Variants in STARD7 observed in about 807,000 individuals in gnomAD.
STARD7 encodes the protein StAR related lipid transfer domain containing 7, also known as stAR-related lipid transfer protein 7, mitochondrial.
Under a neutral mutation model 45.3 loss-of-function variants are expected in STARD7, and 30 were observed. The ratio of observed to expected loss-of-function variants is 0.66; its 90% CI spans 0.50 to 0.90. STARD7 has a LOEUF of 0.90. Among genes scored for constraint, STARD7 ranks in the 40% least tolerant of loss-of-function variants. The probability of loss-of-function intolerance (pLI) is 0.00; values close to 1 mark genes in which losing one functional copy is unlikely to be tolerated. For missense variants in STARD7, 495 were observed against 491.3 expected (o/e 1.01, Z -0.07); for synonymous variants, 199 against 183.0 (o/e 1.09, Z -0.70).
intron 1 of STARD7, 74 bp downstream of exon 1, chr2:96,208,071 G>A: frequency 7.2e-7 from 1 of 1,388,612 alleles, no homozygotes; most frequent in Non-Finnish European, 9.6e-7. Context: ...AAGGGCCAAC[G>A]ACCACAGGGC....
At position 96,208,423 on chromosome 2, in the gene STARD7, C is replaced by T; in HGVS notation, c.12G>A (p.Arg4=). 7.2e-7 allele frequency: 1 copy of T among 1,391,600 alleles called. No homozygotes were observed. The highest frequency in any genetic ancestry group is 9.2e-7 in the Non-Finnish European group (1 of 1,084,258). 86.2% of individuals were successfully genotyped at this position (1,391,600 alleles called of 1,614,324 possible). A position where few individuals can be genotyped will look rare whatever the true frequency, so the allele number is the denominator to read the frequency against. The change falls in exon 1 of 8, where the codon CGG becomes CGA. Residue 4 remains arginine (R), a synonymous_variant. Transcript: ENST00000337288. MLP[R]RLLAAWLAGT... ...CCGCCAGCCAGGCGGCCAGCAGCCT[C>T]CGCGGGAGCATGCCGCCTCCCGCAG...
chr2:96,198,214 T>C (rs974239346), intron 1 of STARD7, among the ~76,000 whole-genome samples: 5 of 151,824 alleles, frequency 3.3e-5, no homozygotes, highest in East Asian at 1.9e-4. Flanking sequence ...TCCCAACTAC[T>C]TGGGAGGCTG....
chr2:96,199,198 C>T (rs957985456), intron 1 of STARD7, among the ~76,000 whole-genome samples: 3 of 152,096 alleles, frequency 2.0e-5, no homozygotes. Flanking sequence ...AAGTGGCTTG[C>T]CAATTTCTGC....
intron 1 of STARD7, among the ~76,000 whole-genome samples, chr2:96,198,095 G>T (rs1243897016): frequency 6.6e-6 from 1 of 152,078 alleles, no homozygotes; most frequent in Admixed American, 6.6e-5. Context: ...GGCCAAGGTG[G>T]GTGGATCACT....
chr2:96,193,328 AT>A lies in STARD7; in HGVS notation c.573del (p.Lys191AsnfsTer6). Reference protein sequence around the residue: ...NVQLDTEYRKKWDALVIKLEV... With the variant: ...NVQLDTEYRKXWDALVIKLEV... ...TCCAGCTTGATTACCAGGGCATCCC[AT>A]TTTTTTCTATACTCTGTGTCCAGCT... On this transcript the variant is annotated frameshift_variant, in exon 4 of 8. Transcript: ENST00000337288. LOFTEE classifies it high-confidence loss of function. The A allele has an allele frequency of 6.2e-7, 1 of 1,612,952 alleles. No homozygotes were observed. The highest frequency in any genetic ancestry group is 1.3e-5 in the African/African-American group (1 of 75,010).
At chr2:96,200,342 G>A (rs922875259) in intron 1 of STARD7, among the ~76,000 whole-genome samples, 16 of 152,160 alleles carry the variant, frequency 1.1e-4, no homozygotes, top group Admixed American at 9.2e-4. Context: ...GCCTCCCAAA[G>A]TGCTGGGATT....
chr2:96,195,078 G>T, intron 2 of STARD7, 71 bp from the exon 3 acceptor site: 1 of 1,370,978 alleles, frequency 7.3e-7, no homozygotes, highest in South Asian at 1.3e-5. Context: ...TTCACCTAGC[G>T]GCGTTTCAGA....
At chr2:96,203,108 C>T (rs779989541) in intron 1 of STARD7, among the ~76,000 whole-genome samples, 42 of 152,194 alleles carry the variant, frequency 2.8e-4, no homozygotes, top group Non-Finnish European at 1.2e-4. Context: ...CCTGAAGGGT[C>T]TGAACTTCTA....
intron 6 of STARD7, among the ~76,000 whole-genome samples, chr2:96,188,846 A>T (rs1004874246): frequency 6.6e-6 from 1 of 152,034 alleles, no homozygotes; most frequent in African/African-American, 2.4e-5. Context: ...GTGAGCCAAG[A>T]TCACGCCATC....
chr2:96,204,533 C>T (rs1335337160), intron 1 of STARD7, among the ~76,000 whole-genome samples: 7 of 151,866 alleles, frequency 4.6e-5, no homozygotes, highest in Non-Finnish European at 1.0e-4. Flanking sequence ...CCAGCCTGGG[C>T]GACAGGGTGA....
chr2:96,198,039 C>T lies in STARD7; in HGVS notation c.291-2490G>A, dbSNP rs930047593. Among the ~76,000 whole-genome samples, 4 of 152,092 alleles carry T rather than the reference C, an allele frequency of 2.6e-5. No individual in the cohort carries two copies. The South Asian group carries it at 8.3e-4, about 32-fold the overall frequency. On this transcript the variant is annotated intron_variant, in intron 1 of 7. Coordinates refer to ENST00000337288, the MANE Select transcript of STARD7 (RefSeq NM_020151.4). ...TTATATTACTGCTATTATAATACTG[C>T]TGGCCGGACGTAGTGACTCATGCCT...
intron 1 of STARD7, among the ~76,000 whole-genome samples, chr2:96,200,723 C>G (rs1012787160): frequency 6.6e-6 from 1 of 152,074 alleles, no homozygotes; most frequent in Admixed American, 6.6e-5. Context: ...ACTATGTCGC[C>G]GAAACTGGCC....
intron 1 of STARD7, among the ~76,000 whole-genome samples, chr2:96,205,653 G>C (rs1054486010): frequency 1.3e-5 from 2 of 152,194 alleles, no homozygotes; most frequent in African/African-American, 4.8e-5. Context: ...AACCTCAGCA[G>C]TGCCTACTTT....
Position 96,193,157 on chromosome 2 carries a change from G to A in STARD7, c.664C>T (p.Pro222Ser). The A allele has an allele frequency of 6.2e-7, 1 of 1,611,116 alleles. No homozygotes were observed. ...TAAACATAATCCCGTGAGTACATTG[G>A]ATACTAAAGAAATGGAGGAGCAGGA... ...VLHWVTHFPY[P>S]MYSRDYVYVR... The change falls in exon 5 of 8, where the codon CCA becomes TCA. Residue 222 changes from proline (P) to serine (S), a missense_variant. Coordinates refer to ENST00000337288, the MANE Select transcript of STARD7 (RefSeq NM_020151.4).
Position 96,184,875 on chromosome 2 carries a change from C to T in STARD7, c.*1855G>A, listed in dbSNP as rs1194267524. On this transcript the variant is annotated 3_prime_UTR_variant, in exon 8 of 8. Transcript: ENST00000337288. ...GACAAACACTTTTTTTTGTACCAAT[C>T]TTTATGTATTTATTCACACATTTGA... The T allele has an allele frequency of 5.9e-5, 9 of 152,712 alleles. No homozygotes were observed. The East Asian group carries it at 1.5e-3, about 26-fold the overall frequency. 9.5% of individuals were successfully genotyped at this position (152,712 alleles called of 1,614,324 possible).
chr2:96,192,512 A>G (rs1400262686), intron 5 of STARD7, 44 bp from the exon 6 acceptor site: 1 of 1,456,756 alleles, frequency 6.9e-7, no homozygotes, highest in African/African-American at 1.4e-5. Flanking sequence ...TAATGTCTAT[A>G]TATAAAACAA....
At chr2:96,208,085 C>A (rs1178910456) in intron 1 of STARD7, 60 bp downstream of exon 1, 10 of 1,458,318 alleles carry the variant, frequency 6.9e-6, no homozygotes, top group Non-Finnish European at 6.4e-6. Flanking sequence ...ACAGGGCAGG[C>A]CCCAGGGTTC....
In STARD7 at chr2:96,196,518, G is replaced by A. The variant is rs1486189999; in HGVS notation, c.291-969C>T. 2.6e-5 allele frequency among the ~76,000 whole-genome samples: 4 copies of A among 152,116 alleles called. 1 individual carries two copies. The highest frequency in any genetic ancestry group is 5.9e-5 in the Non-Finnish European group (4 of 68,022). Reference sequence around the variant, plus strand: ...ACTCTGTCACCCAGGCTAGAATAGAGTGCCATGATCTGGGCTCACTGCAAC... The same window carrying A: ...ACTCTGTCACCCAGGCTAGAATAGAATGCCATGATCTGGGCTCACTGCAAC... On this transcript the variant is annotated intron_variant, in intron 1 of 7. Transcript: ENST00000337288.
chr2:96,196,931 T>C (rs1331428390), intron 1 of STARD7, among the ~76,000 whole-genome samples: 1 of 151,228 alleles, frequency 6.6e-6, no homozygotes. Flanking sequence ...CTGGGCACGG[T>C]GGCACATACC....
Sources: allele counts gnomAD v4.1 joint callset (sites outside exome capture counted in the v4.1 genomes callset), GRCh38; gene constraint gnomAD v4.1.1; transcripts MANE v1.5; gene names NCBI Gene and HGNC (gene_info 2026-07-23, HGNC 2026-07-21).